SLC15A5: variants seen among roughly 807,000 people sequenced by gnomAD.
SLC15A5 encodes Peptide/histidine transporter ENSP00000340402.
Under a neutral mutation model 56.1 loss-of-function variants are expected in SLC15A5, and 58 were observed. The observed-to-expected ratio is 1.03, with a 90% CI of 0.84 to 1.29. The LOEUF (loss-of-function observed/expected upper bound fraction) is 1.29, where lower values mean the gene tolerates loss of function less well. Ranked by LOEUF, SLC15A5 falls within the 50% of genes most tolerant of loss-of-function variation. SLC15A5 has a pLI of 0.00. For missense variants in SLC15A5, 681 were observed against 672.1 expected, an observed-to-expected ratio of 1.01 and a Z score of -0.15; for synonymous variants, 264 against 250.5, an observed-to-expected ratio of 1.05 and a Z score of -0.51.
chr12:16,224,298 G>A, intron 6 of SLC15A5, 116 bp downstream of exon 6: 2 of 896,894 alleles, frequency 2.2e-6, no homozygotes, highest in Non-Finnish European at 1.6e-6. Context: ...AAGTATTGTG[G>A]GAACTCTCTA....
Position 16,189,683 on chromosome 12 carries a change from C to T in SLC15A5, c.1725G>A (p.Trp575Ter). 4 of 1,516,376 alleles carry T rather than the reference C, an allele frequency of 2.6e-6. No homozygotes were observed. The highest frequency in any genetic ancestry group is 3.4e-4 in the Middle Eastern group (2 of 5,834). The allele number at this position is 1,516,376 out of a possible 1,614,324, so 93.9% of individuals were successfully genotyped here. A position where few individuals can be genotyped will look rare whatever the true frequency, so the allele number is the denominator to read the frequency against. ...AAACACAGTTTCATAGGGCTGTCTC[C>T]CAAAGATCAATACTTGAAGAAAATT... Reference protein sequence around the residue: ...IQEFSSSIDLWETAL With the variant: ...IQEFSSSIDL The change falls in exon 9 of 9, where the codon TGG becomes TGA. Residue 575 changes from tryptophan to a stop codon, truncating the protein, a stop_gained. Coordinates refer to ENST00000344941, the MANE Select transcript of SLC15A5 (RefSeq NM_001170798.1). LOFTEE classifies it high-confidence loss of function.
chr12:16,259,897 C>CGGGGGT (rs148955043), intron 2 of SLC15A5, among the ~76,000 whole-genome samples: 2 of 141,092 alleles, frequency 1.4e-5, no homozygotes, highest in African/African-American at 5.2e-5. Context: ...TGACACCACC[C>CGGGGGT]GGGCGGGGGG....
intron 1 of SLC15A5, among the ~76,000 whole-genome samples, chr12:16,273,571 G>C (rs1472655529): frequency 6.6e-6 from 1 of 151,708 alleles, no homozygotes; most frequent in East Asian, 1.9e-4. Flanking sequence ...GGACTATATT[G>C]TTTCATCTTG....
chr12:16,242,812 A>G (rs1864425826), intron 4 of SLC15A5, among the ~76,000 whole-genome samples: 2 of 152,212 alleles, frequency 1.3e-5, no homozygotes, highest in African/African-American at 4.8e-5. Flanking sequence ...ACTTGCACAT[A>G]AGCTTTTGAG....
At chr12:16,198,783 C>G (rs1799523) in intron 7 of SLC15A5, among the ~76,000 whole-genome samples, 118,714 of 152,008 alleles carry the variant, frequency 0.78, 46,620 homozygotes, top group East Asian at 0.99. Context: ...AAACATATAT[C>G]GTGATACACA....
intron 5 of SLC15A5, among the ~76,000 whole-genome samples, chr12:16,229,635 A>AACAC (rs1163652551): frequency 8.1e-5 from 8 of 99,180 alleles, no homozygotes; most frequent in East Asian, 2.9e-4. Flanking sequence ...CAAAGTAAGC[A>AACAC]ACACACACAC....
At chr12:16,192,592 T>C (rs1863847799) in intron 8 of SLC15A5, among the ~76,000 whole-genome samples, 2 of 152,074 alleles carry the variant, frequency 1.3e-5, no homozygotes, top group South Asian at 4.1e-4. Context: ...AGTTTGCCTG[T>C]TCAACTCTAT....
At chr12:16,207,256 A>T (rs1175904748) in intron 7 of SLC15A5, among the ~76,000 whole-genome samples, 1 of 152,210 alleles carries the variant, frequency 6.6e-6, no homozygotes, top group Non-Finnish European at 1.5e-5. Context: ...GGGTTTATTT[A>T]AAATAGTAAA....
chr12:16,209,575 T>C (rs1286474096), intron 7 of SLC15A5, among the ~76,000 whole-genome samples: 3 of 152,170 alleles, frequency 2.0e-5, no homozygotes. Context: ...AGCAAATGGA[T>C]GGCAACTTTT....
chr12:16,190,419 AACTTGATTATT>A (rs1863829356), intron 8 of SLC15A5, among the ~76,000 whole-genome samples: 1 of 152,136 alleles, frequency 6.6e-6, no homozygotes, highest in Admixed American at 6.6e-5. Context: ...TTGGAACCAG[AACTTGATTATT>A]CTGAATCCTG....
intron 8 of SLC15A5, among the ~76,000 whole-genome samples, chr12:16,193,815 GAGAGAGAGAGAGAGAGAGAGAGAGAGA>G (rs1863864492): frequency 6.9e-6 from 1 of 144,266 alleles, no homozygotes; most frequent in African/African-American, 2.7e-5. Context: ...GAGAGAGAGA[GAGAGAGAGAGAGAGAGAGAGAGAGAGA>G]GAGGCTGGCA....
intron 2 of SLC15A5, among the ~76,000 whole-genome samples, chr12:16,261,963 T>C (rs1313875946): frequency 6.6e-6 from 1 of 152,258 alleles, no homozygotes; most frequent in African/African-American, 2.4e-5. Context: ...AAAGTGTCTT[T>C]TGAAAAGCAG....
intron 1 of SLC15A5, among the ~76,000 whole-genome samples, chr12:16,273,352 C>T (rs766473876): frequency 3.3e-5 from 5 of 151,586 alleles, no homozygotes; most frequent in African/African-American, 1.2e-4. Flanking sequence ...CTGGATGGAG[C>T]CTTCTTTGCC....
At chr12:16,208,300 C>A (rs923893321) in intron 7 of SLC15A5, among the ~76,000 whole-genome samples, 4 of 152,188 alleles carry the variant, frequency 2.6e-5, no homozygotes, top group African/African-American at 9.6e-5. Flanking sequence ...TCCATAAATT[C>A]TCTGTTCTTT....
At chr12:16,265,065 GA>G (rs1304675147) in intron 2 of SLC15A5, among the ~76,000 whole-genome samples, 2 of 152,144 alleles carry the variant, frequency 1.3e-5, no homozygotes, top group African/African-American at 2.4e-5. Context: ...AGTGCATTGG[GA>G]AGTCATTTGA....
intron 3 of SLC15A5, 133 bp from the exon 4 acceptor site, chr12:16,244,933 G>A: frequency 1.1e-6 from 1 of 870,774 alleles, no homozygotes; most frequent in Non-Finnish European, 1.7e-6. Context: ...CAAGGGGTCG[G>A]ACTCAAAGGA....
chr12:16,261,841 A>G (rs1169856274), intron 2 of SLC15A5, among the ~76,000 whole-genome samples: 3 of 152,124 alleles, frequency 2.0e-5, no homozygotes, highest in Non-Finnish European at 4.4e-5. Context: ...CCATCTGCAT[A>G]TCTTCTTTGG....
rs1285370668 is a variant in SLC15A5, at chr12:16,205,690, C to T, written c.1483+11203G>A. 3.3e-5 allele frequency among the ~76,000 whole-genome samples: 5 copies of T among 151,172 alleles called. 1 individual carries two copies. The highest frequency in any genetic ancestry group is 6.8e-3 in the Middle Eastern group (2 of 292). ...TCACTTCAGCAATATGTCACTCCATCTCCCACCAAAATCAGAGCTTTATCA... is the reference window on the plus strand; with the variant it reads ...TCACTTCAGCAATATGTCACTCCATTTCCCACCAAAATCAGAGCTTTATCA... On this transcript the variant is annotated intron_variant, in intron 7 of 8. Transcript: ENST00000344941.
At chr12:16,239,157 C>G (rs1565667240) in intron 5 of SLC15A5, among the ~76,000 whole-genome samples, 1 of 152,144 alleles carries the variant, frequency 6.6e-6, no homozygotes, top group Non-Finnish European at 1.5e-5. Flanking sequence ...TCAGAATGGA[C>G]TTCCATCCTT....
Sources: gnomAD v4.1 joint callset for allele counts (sites outside exome capture counted in the v4.1 genomes callset) on GRCh38, gnomAD v4.1.1 for gene constraint, MANE v1.5 for transcripts, NCBI Gene and HGNC (gene_info 2026-07-23, HGNC 2026-07-21) for gene names.